Variants in DLGAP2 observed in about 807,000 individuals in gnomAD.
DLGAP2 encodes DLG associated protein 2.
DLGAP2 carries 26 observed loss-of-function variants against 100.3 expected under a neutral mutation model. The ratio of observed to expected loss-of-function variants is 0.26; its 90% CI spans 0.19 to 0.36. The LOEUF (loss-of-function observed/expected upper bound fraction) is 0.36, where lower values mean the gene tolerates loss of function less well. Among genes scored for constraint, DLGAP2 ranks in the 10% least tolerant of loss-of-function variants. The pLI is 1.00. For synonymous variants in DLGAP2, 886 were observed against 630.1 expected, an observed-to-expected ratio of 1.41 and a Z score of -6.08; for missense variants, 1,858 against 1,453.2, an observed-to-expected ratio of 1.28 and a Z score of -4.53.
chr8:1,591,202 GT>G (rs1796279251), intron 6 of DLGAP2, among the ~76,000 whole-genome samples: 1 of 152,076 alleles, frequency 6.6e-6, no homozygotes, highest in African/African-American at 2.4e-5. Context: ...TCAAAGTTCT[GT>G]TCTTCCCTTC....
chr8:1,185,837 A>G (rs1264114192), intron 2 of DLGAP2, among the ~76,000 whole-genome samples: 2 of 152,124 alleles, frequency 1.3e-5, no homozygotes, highest in Non-Finnish European at 1.5e-5. Context: ...ACAAACACAC[A>G]TTCAGGAGAT....
At chr8:1,442,096 C>T (rs977400169) in intron 3 of DLGAP2, among the ~76,000 whole-genome samples, 10 of 152,250 alleles carry the variant, frequency 6.6e-5, no homozygotes, top group Non-Finnish European at 1.5e-4. Context: ...GAGCATGTGT[C>T]TCCTCTGACC....
At chr8:1,258,534 A>G (rs947672058) in intron 2 of DLGAP2, among the ~76,000 whole-genome samples, 3 of 152,326 alleles carry the variant, frequency 2.0e-5, no homozygotes, top group African/African-American at 7.2e-5. Flanking sequence ...GCAAACCACC[A>G]TGGCACCTGT....
chr8:1,226,477 G>T (rs4376518), intron 2 of DLGAP2, among the ~76,000 whole-genome samples: 17,227 of 152,108 alleles, frequency 0.11, 1,531 homozygotes, highest in African/African-American at 0.24. Flanking sequence ...CTGTCAGGGG[G>T]CAAGGGGGAG....
intron 2 of DLGAP2, among the ~76,000 whole-genome samples, chr8:1,228,084 G>T (rs1421859696): frequency 2.6e-5 from 4 of 152,100 alleles, no homozygotes; most frequent in Non-Finnish European, 4.4e-5. Flanking sequence ...GTTGTGGGGT[G>T]GGGGAATGGG....
chr8:1,671,000 G>A (rs1193839000), intron 10 of DLGAP2, among the ~76,000 whole-genome samples: 1 of 152,188 alleles, frequency 6.6e-6, no homozygotes, highest in East Asian at 1.9e-4. Flanking sequence ...TGGACAGGTG[G>A]CCACGTCCCT....
chr8:1,261,178 C>T (rs1232192490), intron 3 of DLGAP2, among the ~76,000 whole-genome samples: 4 of 151,256 alleles, frequency 2.6e-5, no homozygotes, highest in Non-Finnish European at 4.4e-5. Flanking sequence ...ACCAGACAGA[C>T]TGGGAGGGCA....
At position 1,549,236 on chromosome 8, in the gene DLGAP2, C is replaced by T. The variant is rs1364831899; in HGVS notation, c.783C>T (p.Gly261=). ...KSNANGTKAD[G]RADDHHHAHH... ...ACGCCAACGGCACCAAGGCGGACGGCCGGGCGGACGACCACCACCACGCCC... is the reference window on the plus strand; with the variant it reads ...ACGCCAACGGCACCAAGGCGGACGGTCGGGCGGACGACCACCACCACGCCC... The change falls in exon 5 of 15, where the codon GGC becomes GGT. Residue 261 remains glycine, a synonymous_variant. Coordinates refer to ENST00000637795, the MANE Select transcript of DLGAP2 (RefSeq NM_001346810.2). 1 of 1,606,098 alleles carries T rather than the reference C, an allele frequency of 6.2e-7. No individual in the cohort carries two copies. The highest frequency in any genetic ancestry group is 2.2e-5 in the East Asian group (1 of 44,474).
At chr8:1,426,866 C>G (rs762008518) in intron 3 of DLGAP2, among the ~76,000 whole-genome samples, 3 of 151,564 alleles carry the variant, frequency 2.0e-5, no homozygotes, top group Non-Finnish European at 4.4e-5. Flanking sequence ...TCTATTCTAC[C>G]TGAAAGATTA....
At chr8:1,019,929 G>A (rs1317691316) in intron 2 of DLGAP2, among the ~76,000 whole-genome samples, 1 of 152,166 alleles carries the variant, frequency 6.6e-6, no homozygotes, top group Non-Finnish European at 1.5e-5. Flanking sequence ...AGGGCGTGGG[G>A]AGGGACAAAA....
chr8:1,349,349 G>C (rs1332482202), intron 3 of DLGAP2, among the ~76,000 whole-genome samples: 1 of 150,664 alleles, frequency 6.6e-6, no homozygotes. Flanking sequence ...GTGTTTGAGG[G>C]AGACTATCGT....
At chr8:1,426,427 G>C (rs1456799259) in intron 3 of DLGAP2, among the ~76,000 whole-genome samples, 2 of 152,162 alleles carry the variant, frequency 1.3e-5, no homozygotes, top group Admixed American at 1.3e-4. Context: ...CCCAGAGCTA[G>C]GGAGGAAAGA....
chr8:866,701 T>C (rs974069938), intron 1 of DLGAP2, among the ~76,000 whole-genome samples: 10 of 152,276 alleles, frequency 6.6e-5, no homozygotes, highest in African/African-American at 2.4e-4. Context: ...CGCCAGGGCC[T>C]TCTAAATACT....
chr8:1,593,799 C>T (rs371407930), intron 6 of DLGAP2, among the ~76,000 whole-genome samples: 3 of 152,268 alleles, frequency 2.0e-5, no homozygotes, highest in East Asian at 3.9e-4. Flanking sequence ...TGGTAGATGC[C>T]GTAGATCCTC....
intron 3 of DLGAP2, among the ~76,000 whole-genome samples, chr8:1,353,474 C>T (rs939392290): frequency 6.6e-6 from 1 of 152,126 alleles, no homozygotes; most frequent in Non-Finnish European, 1.5e-5. Context: ...ATGATCTTGC[C>T]CCGCTGCAGG....
At chr8:1,180,265 C>G (rs1437630834) in intron 2 of DLGAP2, among the ~76,000 whole-genome samples, 1 of 152,170 alleles carries the variant, frequency 6.6e-6, no homozygotes, top group Non-Finnish European at 1.5e-5. Flanking sequence ...TCCATGTAAC[C>G]CACATGCCAG....
chr8:1,020,262 T>C (rs1257804743), intron 2 of DLGAP2, among the ~76,000 whole-genome samples: 1 of 152,334 alleles, frequency 6.6e-6, no homozygotes, highest in East Asian at 1.9e-4. Context: ...TATGAAACCC[T>C]GAAGCGTATT....
intron 3 of DLGAP2, among the ~76,000 whole-genome samples, chr8:1,309,492 ATAG>A (rs773290380): frequency 1.1e-4 from 16 of 152,372 alleles, no homozygotes; most frequent in Middle Eastern, 3.4e-3. Flanking sequence ...TAAGAAGTTT[ATAG>A]TCAGTAAAAC....
At chr8:1,331,220 C>G (rs1244771189) in intron 3 of DLGAP2, among the ~76,000 whole-genome samples, 1 of 152,186 alleles carries the variant, frequency 6.6e-6, no homozygotes, top group Non-Finnish European at 1.5e-5. Context: ...CACTGATGTG[C>G]TAGTTGAAGC....
Sources: allele counts gnomAD v4.1 joint callset (sites outside exome capture counted in the v4.1 genomes callset), GRCh38; gene constraint gnomAD v4.1.1; transcripts MANE v1.5; gene names NCBI Gene and HGNC (gene_info 2026-07-23, HGNC 2026-07-21).